SPATA31G1: variants seen among roughly 807,000 people sequenced by gnomAD.
SPATA31G1 encodes spermatogenesis-associated protein 31G1.
At chr9:35,044,888 G>A in the SPATA31G1 span, 224 of 1,613,934 alleles carry the variant, frequency 1.4e-4, no homozygotes, top group Non-Finnish European at 1.8e-4. Context: ...AGGGAGTAAC[G>A]TGCCCAGGGG....
At chr9:35,043,228 CCT>C in the SPATA31G1 span, 43 of 1,614,082 alleles carry the variant, frequency 2.7e-5, no homozygotes, top group Non-Finnish European at 3.3e-5. Flanking sequence ...TGGGGTCTCC[CCT>C]CTCTGCACAG....
chr9:35,044,589 A>G, the SPATA31G1 span: 1 of 1,614,020 alleles, frequency 6.2e-7, no homozygotes, highest in Admixed American at 1.7e-5. Flanking sequence ...CTCTGTTTCA[A>G]AGTCCCACGT....
the SPATA31G1 span, chr9:35,044,365 G>A: frequency 3.7e-6 from 6 of 1,614,002 alleles, no homozygotes; most frequent in African/African-American, 5.3e-5. Context: ...AGATCCATGG[G>A]GGTCCTGTCT....
At chr9:35,043,428 G>T in the SPATA31G1 span, 1 of 1,614,094 alleles carries the variant, frequency 6.2e-7, no homozygotes, top group Non-Finnish European at 8.5e-7. Flanking sequence ...AGAAGGGATG[G>T]CCCCCGATCC....
the SPATA31G1 span, chr9:35,044,614 C>T: frequency 1.9e-6 from 3 of 1,614,088 alleles, no homozygotes; most frequent in African/African-American, 1.3e-5. Flanking sequence ...GAGCCTATCG[C>T]AGACCAAAGC....
chr9:35,044,812 C>T, the SPATA31G1 span: 14 of 1,614,050 alleles, frequency 8.7e-6, no homozygotes, highest in East Asian at 2.7e-4. Flanking sequence ...CCCCTACACC[C>T]AGTACCCCAG....
chr9:35,043,510 AC>A, the SPATA31G1 span: 1 of 1,614,052 alleles, frequency 6.2e-7, no homozygotes, highest in Admixed American at 1.7e-5. Context: ...TTCCCTGTGG[AC>A]CACAAGGGAG....
At chr9:35,045,419 C>A in the SPATA31G1 span, 1 of 1,614,098 alleles carries the variant, frequency 6.2e-7, no homozygotes, top group African/African-American at 1.3e-5. Context: ...TGGTCTCAGG[C>A]AAGAGAAAGG....
chr9:35,042,540 G>A, the SPATA31G1 span: 1 of 1,611,312 alleles, frequency 6.2e-7, no homozygotes, highest in African/African-American at 1.3e-5. Context: ...CCACATGTGA[G>A]GTCATTGGTA....
chr9:35,043,577 T>C, the SPATA31G1 span: 2 of 1,614,068 alleles, frequency 1.2e-6, no homozygotes, highest in Admixed American at 3.3e-5. Context: ...CCCTGGAAGT[T>C]CTCCCTGGAT....
chr9:35,043,483 T>C, the SPATA31G1 span: 1 of 1,613,950 alleles, frequency 6.2e-7, no homozygotes, highest in African/African-American at 1.3e-5. Flanking sequence ...TCATCACTAC[T>C]CCTCCATCTG....
At chr9:35,044,341 A>C in the SPATA31G1 span, 3 of 1,613,872 alleles carry the variant, frequency 1.9e-6, no homozygotes, top group Non-Finnish European at 2.5e-6. Context: ...CTTGCACCGG[A>C]GCTGCTCAGA....
chr9:35,045,154 C>G, the SPATA31G1 span: 1 of 1,614,198 alleles, frequency 6.2e-7, no homozygotes, highest in South Asian at 1.1e-5. Context: ...TGCCCCCACT[C>G]TTCAAGTTGT....
the SPATA31G1 span, chr9:35,045,780 C>T: frequency 1.2e-6 from 2 of 1,614,206 alleles, no homozygotes; most frequent in Non-Finnish European, 8.5e-7. Context: ...CTTCCCTACC[C>T]TCAAGGCTTC....
chr9:35,044,730 G>A, the SPATA31G1 span: 4 of 1,614,138 alleles, frequency 2.5e-6, no homozygotes, highest in Non-Finnish European at 3.4e-6. Flanking sequence ...GCCACACATT[G>A]ACCTTGAACT....
the SPATA31G1 span, chr9:35,042,000 AT>A: frequency 2.2e-6 from 1 of 454,408 alleles, no homozygotes; most frequent in East Asian, 3.3e-5. Context: ...CAGAGCTATG[AT>A]TTGAATAAGG....
chr9:35,043,701 C>T, the SPATA31G1 span: 3 of 1,614,050 alleles, frequency 1.9e-6, no homozygotes, highest in African/African-American at 2.7e-5. Flanking sequence ...AAAAGTTAGC[C>T]CTGAAGGAGG....
chr9:35,045,201 G>A, the SPATA31G1 span: 1 of 1,614,046 alleles, frequency 6.2e-7, no homozygotes, highest in Non-Finnish European at 8.5e-7. Context: ...ACCTCAGCCT[G>A]TCCAGTCCTC....
At chr9:35,044,799 G>A in the SPATA31G1 span, 3 of 1,614,186 alleles carry the variant, frequency 1.9e-6, no homozygotes, top group Non-Finnish European at 2.5e-6. Context: ...TCTGGCAGTG[G>A]ATCCCCTACA....
Sources: gnomAD v4.1 joint callset for allele counts on GRCh38, gnomAD v4.1.1 for gene constraint, MANE v1.5 for transcripts, NCBI Gene and HGNC (gene_info 2026-07-23, HGNC 2026-07-21) for gene names.